The following PRRX1 variants were observed in gnomAD, a reference collection of about 807,000 sequenced individuals.
The protein encoded by PRRX1 is paired mesoderm homeobox protein 1.
PRRX1 carries 8 observed loss-of-function variants against 24.0 expected under a neutral mutation model. That is an observed-to-expected ratio of 0.33 (90% CI 0.20 to 0.60). The LOEUF (loss-of-function observed/expected upper bound fraction) is 0.60, where lower values mean the gene tolerates loss of function less well. Among genes scored for constraint, PRRX1 ranks in the 20% least tolerant of loss-of-function variants. The pLI is 0.82. For missense variants in PRRX1, 281 were observed against 322.4 expected (o/e 0.87, Z 0.98); for synonymous variants, 160 against 131.7 (o/e 1.22, Z -1.47).
Position 170,736,904 on chromosome 1 carries a change from T to C in PRRX1, c.*718T>C, listed in dbSNP as rs1655627772. On this transcript the variant is annotated 3_prime_UTR_variant, in exon 4 of 4. Coordinates refer to ENST00000239461, the MANE Select transcript of PRRX1 (RefSeq NM_022716.4). ...GATTTAAGCTTGAAGCTACAGATTA[T>C]ATCACTATCACCACCACCCCTCACC... is the stretch of plus-strand genomic sequence containing the variant. 2 of 198,828 alleles carry C rather than the reference T, an allele frequency of 1.0e-5. No homozygotes were observed. The highest frequency in any genetic ancestry group is 2.1e-5 in the Non-Finnish European group (2 of 95,856). The allele number at this position is 198,828 out of a possible 1,614,324, so 12.3% of individuals were successfully genotyped here.
chr1:170,726,078 A>C, intron 2 of PRRX1, 142 bp from the exon 3 acceptor site: 1 of 817,332 alleles, frequency 1.2e-6, no homozygotes, highest in Non-Finnish European at 2.0e-6. Context: ...CTATTGTTCT[A>C]CGGAGAATTC....
At chr1:170,685,785 G>T (rs917570948) in intron 1 of PRRX1, among the ~76,000 whole-genome samples, 1 of 152,082 alleles carries the variant, frequency 6.6e-6, no homozygotes. Context: ...GTAACAAGCT[G>T]CTAGGGATTC....
intron 1 of PRRX1, chr1:170,667,934 A>G (rs930596966): frequency 6.6e-6 from 1 of 152,152 alleles, no homozygotes; most frequent in Non-Finnish European, 1.5e-5. Flanking sequence ...AGTTAGAAGG[A>G]GTAGGTATTC....
chr1:170,702,480 G>C (rs1008827885), intron 1 of PRRX1, among the ~76,000 whole-genome samples: 6 of 152,114 alleles, frequency 3.9e-5, no homozygotes, highest in Admixed American at 3.9e-4. Flanking sequence ...CTATGGAGTT[G>C]GCAGTGCTGT....
At chr1:170,732,852 AC>A (rs1655475076) in intron 3 of PRRX1, among the ~76,000 whole-genome samples, 1 of 152,124 alleles carries the variant, frequency 6.6e-6, no homozygotes, top group South Asian at 2.1e-4. Flanking sequence ...AAAAACAACT[AC>A]TTGTTAATCC....
intron 1 of PRRX1, among the ~76,000 whole-genome samples, chr1:170,688,584 A>G (rs553321594): frequency 1.3e-5 from 2 of 152,270 alleles, no homozygotes; most frequent in Non-Finnish European, 1.5e-5. Context: ...TTAAATAAAA[A>G]CATTTAAATA....
At chr1:170,695,732 T>A (rs1290342874) in intron 1 of PRRX1, among the ~76,000 whole-genome samples, 4 of 152,176 alleles carry the variant, frequency 2.6e-5, no homozygotes, top group Non-Finnish European at 5.9e-5. Flanking sequence ...CTGCCCTCAC[T>A]CTCACACACT....
intron 3 of PRRX1, chr1:170,730,714 G>T: frequency 9.2e-6 from 2 of 217,874 alleles, no homozygotes; most frequent in South Asian, 1.6e-4. Context: ...AGACTTTGTA[G>T]GTTACAGGAC....
At chr1:170,699,881 G>A (rs1329412612) in intron 1 of PRRX1, among the ~76,000 whole-genome samples, 1 of 152,008 alleles carries the variant, frequency 6.6e-6, no homozygotes, top group Non-Finnish European at 1.5e-5. Context: ...GATTACAGAC[G>A]CCTGCCACCA....
intron 1 of PRRX1, among the ~76,000 whole-genome samples, chr1:170,715,181 A>T (rs1027953886): frequency 6.6e-6 from 1 of 152,218 alleles, no homozygotes; most frequent in African/African-American, 2.4e-5. Flanking sequence ...AAAACTATCC[A>T]GAGACAAAAG....
At chr1:170,679,684 A>AT (rs756942643) in intron 1 of PRRX1, among the ~76,000 whole-genome samples, 241 of 152,102 alleles carry the variant, frequency 1.6e-3, no homozygotes, top group Non-Finnish European at 2.8e-3. Context: ...CAGGCATTTT[A>AT]TTTTTTGTCA....
chr1:170,706,562 G>A (rs894914280), intron 1 of PRRX1, among the ~76,000 whole-genome samples: 3 of 152,028 alleles, frequency 2.0e-5, no homozygotes, highest in Admixed American at 6.6e-5. Context: ...ACGTTCCCCC[G>A]TACCCCATTA....
chr1:170,729,920 A>G (rs993972208), intron 3 of PRRX1, among the ~76,000 whole-genome samples: 2 of 152,204 alleles, frequency 1.3e-5, no homozygotes, highest in Non-Finnish European at 2.9e-5. Context: ...ATTCAGACTC[A>G]CTAATCTTGC....
chr1:170,703,112 T>C (rs983568593), intron 1 of PRRX1, among the ~76,000 whole-genome samples: 11 of 152,370 alleles, frequency 7.2e-5, no homozygotes, highest in African/African-American at 2.6e-4. Flanking sequence ...GTCTATCTAA[T>C]TTAATTTCTG....
intron 3 of PRRX1, among the ~76,000 whole-genome samples, chr1:170,731,943 AAACT>A (rs1655450628): frequency 6.6e-6 from 1 of 152,190 alleles, no homozygotes; most frequent in African/African-American, 2.4e-5. Flanking sequence ...AACTTAACTA[AAACT>A]AACTAAAAAT....
Position 170,664,336 on chromosome 1 carries a change from C to T in PRRX1, c.118C>T (p.Leu40=). The stretch of plus-strand genomic sequence containing the variant: ...AAAGAACTTCTCCGTCAGTCACCTG[C>T]TAGACCTGGAGGAAGCCGGGGACAT... ...AKKNFSVSHL[L]DLEEAGDMVA... is the part of the protein sequence containing the mutation. The change falls in exon 1 of 4, where the codon CTA becomes TTA. Residue 40 remains leucine, a synonymous_variant. Coordinates refer to ENST00000239461, the MANE Select transcript of PRRX1 (RefSeq NM_022716.4). The T allele has an allele frequency of 1.2e-6, 2 of 1,613,978 alleles. No individual in the cohort carries two copies. Among genetic ancestry groups the T allele is most frequent in the Non-Finnish European group, 1.7e-6 (2 of 1,179,948 alleles).
Position 170,736,613 on chromosome 1 carries a change from C to A in PRRX1, c.*427C>A, listed in dbSNP as rs180995287. On this transcript the variant is annotated 3_prime_UTR_variant, in exon 4 of 4. Coordinates refer to ENST00000239461, the MANE Select transcript of PRRX1 (RefSeq NM_022716.4). ...TACTGTCCTCATTGACTTGTTTGAA[C>A]CTTAGTGCCTTACCCTGTCCTCTTC... The A allele has an allele frequency of 5.0e-4, 109 of 218,828 alleles. 1 individual carries two copies. Among genetic ancestry groups the A allele is most frequent in the Non-Finnish European group, 8.7e-4 (92 of 106,236 alleles). 13.6% of individuals were successfully genotyped at this position (218,828 alleles called of 1,614,324 possible).
chr1:170,679,935 GT>G (rs1031773927), intron 1 of PRRX1, among the ~76,000 whole-genome samples: 4 of 151,924 alleles, frequency 2.6e-5, no homozygotes, highest in African/African-American at 9.7e-5. Flanking sequence ...TTGAAATTTT[GT>G]TTACTTATCT....
At chr1:170,698,541 C>T (rs933188215) in intron 1 of PRRX1, among the ~76,000 whole-genome samples, 1 of 152,068 alleles carries the variant, frequency 6.6e-6, no homozygotes, top group Non-Finnish European at 1.5e-5. Flanking sequence ...AGGCCTTTTG[C>T]GTATTAAAAT....
Sources: allele counts gnomAD v4.1 joint callset (sites outside exome capture counted in the v4.1 genomes callset), GRCh38; gene constraint gnomAD v4.1.1; transcripts MANE v1.5; gene names NCBI Gene and HGNC (gene_info 2026-07-23, HGNC 2026-07-21).